KSR2: variants seen among roughly 807,000 people sequenced by gnomAD.
KSR2 encodes kinase suppressor of ras 2.
In KSR2, 25 loss-of-function variants were observed where a neutral mutation model predicts 107.8. That is an observed-to-expected ratio of 0.23 (90% CI 0.17 to 0.32). KSR2 has a LOEUF of 0.32. Ranked by LOEUF, KSR2 falls within the 10% of genes least tolerant of loss-of-function variation. The pLI is 1.00. For missense variants in KSR2, 887 were observed against 1,268.9 expected (o/e 0.70, Z 4.57); for synonymous variants, 480 against 507.0 (o/e 0.95, Z 0.71).
chr12:117,521,406 A>C (rs1874749252), intron 14 of KSR2, among the ~76,000 whole-genome samples: 1 of 152,182 alleles, frequency 6.6e-6, no homozygotes, highest in African/African-American at 2.4e-5. Flanking sequence ...CGGGTGAGAG[A>C]CACTTTCACT....
intron 5 of KSR2, among the ~76,000 whole-genome samples, chr12:117,606,750 C>A (rs924131185): frequency 9.5e-5 from 14 of 146,912 alleles, no homozygotes; most frequent in African/African-American, 3.3e-4. Flanking sequence ...CTTACTCTCT[C>A]CTTCCCTTAC....
At position 117,842,907 on chromosome 12, in the gene KSR2, C is replaced by T. The variant is rs4528430; in HGVS notation, c.472+12521G>A. Among the ~76,000 whole-genome samples the T allele has an allele frequency of 6.6e-6, 1 of 152,164 alleles. No individual in the cohort carries two copies. Among genetic ancestry groups the T allele is most frequent in the East Asian group, 1.9e-4 (1 of 5,186 alleles). ...AAAGGCTGGAGAGGAAAACATCCTG[C>T]CCCTCCCTCCACCCCTGCCTTAGTG... On this transcript the variant is annotated intron_variant, in intron 3 of 19. Transcript: ENST00000339824. The surrounding 1 kb of genome is among the most constrained non-coding windows in gnomAD (Gnocchi z 4.2).
At chr12:117,906,366 A>AAC (rs1555255551) in intron 1 of KSR2, among the ~76,000 whole-genome samples, 3 of 149,828 alleles carry the variant, frequency 2.0e-5, no homozygotes, top group African/African-American at 7.4e-5. Context: ...AAAAAAAAAA[A>AAC]AAAAAAAAAA....
intron 4 of KSR2, among the ~76,000 whole-genome samples, chr12:117,713,054 AAT>A (rs149221506): frequency 7.4e-5 from 11 of 148,900 alleles, no homozygotes; most frequent in East Asian, 2.0e-4. Context: ...CAAATATATA[AAT>A]ATATATATAC....
intron 4 of KSR2, among the ~76,000 whole-genome samples, chr12:117,684,500 A>G (rs766323063): frequency 6.6e-6 from 1 of 152,136 alleles, no homozygotes; most frequent in Non-Finnish European, 1.5e-5. Context: ...AGTGGATCCA[A>G]TTTTCCTCGA....
intron 3 of KSR2, among the ~76,000 whole-genome samples, chr12:117,776,366 T>C (rs188820974): frequency 1.1e-3 from 167 of 152,252 alleles, no homozygotes; most frequent in African/African-American, 3.9e-3. Context: ...ACATCAGGAA[T>C]ACAGCAATAA....
chr12:117,966,606 C>G (rs1260211186), intron 1 of KSR2, among the ~76,000 whole-genome samples: 2 of 121,370 alleles, frequency 1.6e-5, no homozygotes, highest in African/African-American at 3.5e-5. Context: ...CTCTCTCTCT[C>G]TCTCTCACAC....
At chr12:117,728,379 C>A (rs543292096) in intron 4 of KSR2, among the ~76,000 whole-genome samples, 2 of 152,300 alleles carry the variant, frequency 1.3e-5, no homozygotes, top group African/African-American at 2.4e-5. Flanking sequence ...CACCTGTGCT[C>A]GCTATGGTTA....
At chr12:117,629,480 G>A (rs74432428) in intron 5 of KSR2, among the ~76,000 whole-genome samples, 3,751 of 152,264 alleles carry the variant, frequency 0.025, 98 homozygotes, top group East Asian at 0.15. Context: ...GAAACCAAAC[G>A]GGAGAAAAGA....
chr12:117,808,453 C>T (rs1424271409), intron 3 of KSR2, among the ~76,000 whole-genome samples: 2 of 152,074 alleles, frequency 1.3e-5, no homozygotes, highest in Non-Finnish European at 2.9e-5. Flanking sequence ...CCCTCTAAAC[C>T]TCAATTTCCT....
chr12:117,918,805 G>A (rs1895259332), intron 1 of KSR2, among the ~76,000 whole-genome samples: 1 of 144,170 alleles, frequency 6.9e-6, no homozygotes, highest in Non-Finnish European at 1.5e-5. Context: ...AAAAAAAAAA[G>A]TATCTTTTAA....
chr12:117,916,892 T>C (rs1264601106), intron 1 of KSR2, among the ~76,000 whole-genome samples: 2 of 152,256 alleles, frequency 1.3e-5, no homozygotes, highest in African/African-American at 4.8e-5. Context: ...TATTTAATGT[T>C]TGCAAATCTG....
chr12:117,830,078 G>A (rs1336478655), intron 3 of KSR2, among the ~76,000 whole-genome samples: 1 of 152,014 alleles, frequency 6.6e-6, no homozygotes. Context: ...GACCAGCTTG[G>A]CCAACGTGGT....
chr12:117,745,050 G>A (rs1888357731), intron 4 of KSR2, among the ~76,000 whole-genome samples: 1 of 152,154 alleles, frequency 6.6e-6, no homozygotes, highest in Admixed American at 6.5e-5. Context: ...AGGAAACCAA[G>A]GCTCAGAGAG....
At chr12:117,696,897 G>A (rs1322064642) in intron 4 of KSR2, among the ~76,000 whole-genome samples, 3 of 152,134 alleles carry the variant, frequency 2.0e-5, no homozygotes, top group Non-Finnish European at 4.4e-5. Context: ...AGGGTTTCCT[G>A]AGACTGGACG....
At chr12:117,717,681 GTGTGTGTGTGTGTGT>G (rs1887043278) in intron 4 of KSR2, among the ~76,000 whole-genome samples, 1 of 69,950 alleles carries the variant, frequency 1.4e-5, no homozygotes, top group Admixed American at 1.6e-4. Context: ...GTGTGTGTGT[GTGTGTGTGTGTGTGT>G]GTGTGTGTGT....
At chr12:117,824,756 C>G (rs1182499753) in intron 3 of KSR2, among the ~76,000 whole-genome samples, 1 of 150,058 alleles carries the variant, frequency 6.7e-6, no homozygotes, top group Non-Finnish European at 1.5e-5. Flanking sequence ...ACTCGGGAGG[C>G]TGAGGCAGGA....
chr12:117,804,755 C>T (rs1383146006), intron 3 of KSR2, among the ~76,000 whole-genome samples: 1 of 152,116 alleles, frequency 6.6e-6, no homozygotes, highest in Non-Finnish European at 1.5e-5. Context: ...TTCAATGTTT[C>T]CAGCTTCTTA....
At chr12:117,794,413 A>T (rs1422727050) in intron 3 of KSR2, among the ~76,000 whole-genome samples, 2 of 97,930 alleles carry the variant, frequency 2.0e-5, no homozygotes, top group Non-Finnish European at 4.0e-5. Context: ...ATGCACACAC[A>T]TGCACATACA....
Sources: gnomAD v4.1 joint callset for allele counts (sites outside exome capture counted in the v4.1 genomes callset) on GRCh38, gnomAD v4.1.1 for gene constraint, Gnocchi (gnomAD v3.1) non-coding constraint, MANE v1.5 for transcripts, NCBI Gene and HGNC (gene_info 2026-07-23, HGNC 2026-07-21) for gene names.